Variants in TRIM24 observed in about 807,000 individuals in gnomAD.
TRIM24 encodes the protein tripartite motif containing 24, also known as transcription intermediary factor 1-alpha.
TRIM24 carries 29 observed loss-of-function variants against 123.9 expected under a neutral mutation model. The observed-to-expected ratio is 0.23, with a 90% CI of 0.17 to 0.32. TRIM24 has a LOEUF of 0.32. TRIM24 is among the 10% of genes least tolerant of loss of function. The pLI is 1.00. For synonymous variants in TRIM24, 456 were observed against 461.1 expected, an observed-to-expected ratio of 0.99 and a Z score of 0.14; for missense variants, 932 against 1,295.3, an observed-to-expected ratio of 0.72 and a Z score of 4.31.
chr7:138,498,839 G>A (rs1418936143), intron 1 of TRIM24, among the ~76,000 whole-genome samples: 1 of 151,972 alleles, frequency 6.6e-6, no homozygotes, highest in East Asian at 1.9e-4. Flanking sequence ...TCACCATGTT[G>A]ACCAGGCTGG....
chr7:138,588,982 T>C lies in TRIM24; in HGVS notation c.*4031T>C, dbSNP rs1385169563. The C allele has an allele frequency of 1.3e-5, 2 of 149,580 alleles. No homozygotes were observed. The highest frequency in any genetic ancestry group is 2.5e-5 in the African/African-American group (1 of 40,382). The allele number at this position is 149,580 out of a possible 1,614,324, so 9.3% of individuals were successfully genotyped here. A position where few individuals can be genotyped will look rare whatever the true frequency, so the allele number is the denominator to read the frequency against. Reference sequence around the variant, plus strand: ...GAGATTGCACCATTGCACTCCAGCCTGGGCAACAAGAGCAAAACTCTGTCT... The same window carrying C: ...GAGATTGCACCATTGCACTCCAGCCCGGGCAACAAGAGCAAAACTCTGTCT... On this transcript the variant is annotated 3_prime_UTR_variant, in exon 19 of 19. Coordinates refer to ENST00000343526, the MANE Select transcript of TRIM24 (RefSeq NM_015905.3).
At chr7:138,467,563 G>A (rs1337363134) in intron 1 of TRIM24, among the ~76,000 whole-genome samples, 5 of 152,122 alleles carry the variant, frequency 3.3e-5, no homozygotes, top group East Asian at 1.9e-4. Flanking sequence ...GGATGGTCTC[G>A]ATCTCTTGAC....
At chr7:138,523,749 T>TC (rs1796552600) in intron 4 of TRIM24, among the ~76,000 whole-genome samples, 1 of 34,698 alleles carries the variant, frequency 2.9e-5, no homozygotes, top group Admixed American at 5.5e-4. Context: ...AGACTCCGTC[T>TC]CAAAAAAAAA....
chr7:138,501,796 G>A (rs1796045779), intron 1 of TRIM24, among the ~76,000 whole-genome samples: 1 of 151,780 alleles, frequency 6.6e-6, no homozygotes, highest in African/African-American at 2.4e-5. Context: ...GCTGAGGCAG[G>A]AGAATCACTT....
chr7:138,579,308 A>C lies in TRIM24; in HGVS notation c.2361A>C (p.Gly787=). ...VLRSDAPDST[G]DQPGLHQDNS... is the part of the protein sequence containing the mutation. Reference sequence around the variant, plus strand: ...GATCAGATGCCCCTGATAGTACAGGAGATCAACCTGGACTTCACCAGGACA... The same window carrying C: ...GATCAGATGCCCCTGATAGTACAGGCGATCAACCTGGACTTCACCAGGACA... Residue 787 remains glycine (G), a synonymous_variant, in exon 15 of 19, where the codon GGA becomes GGC. Transcript: ENST00000343526. 6.2e-7 allele frequency: 1 copy of C among 1,614,134 alleles called. No individual in the cohort carries two copies. The highest frequency in any genetic ancestry group is 1.1e-5 in the South Asian group (1 of 91,090).
intron 2 of TRIM24, chr7:138,514,331 A>G (rs1796349967): frequency 6.6e-6 from 1 of 152,228 alleles, no homozygotes; most frequent in Non-Finnish European, 1.5e-5. Flanking sequence ...AGCCATTGTG[A>G]CATAAAAATG....
intron 3 of TRIM24, among the ~76,000 whole-genome samples, chr7:138,517,842 T>C (rs1356786744): frequency 6.6e-6 from 1 of 152,226 alleles, no homozygotes; most frequent in East Asian, 1.9e-4. Flanking sequence ...GATAGTAAAG[T>C]ATGTGTCTTC....
chr7:138,514,954 T>C (rs1796365937), intron 2 of TRIM24: 1 of 328,306 alleles, frequency 3.0e-6, no homozygotes, highest in African/African-American at 2.0e-5. Context: ...ACACCTAGCA[T>C]AATGTTTGGG....
intron 2 of TRIM24, among the ~76,000 whole-genome samples, chr7:138,511,531 C>T (rs910320611): frequency 2.0e-5 from 3 of 152,070 alleles, no homozygotes; most frequent in East Asian, 1.9e-4. Context: ...CTCAGGTAAT[C>T]CACCCGCCTC....
intron 7 of TRIM24, among the ~76,000 whole-genome samples, chr7:138,542,667 G>T (rs1797027872): frequency 6.6e-6 from 1 of 152,124 alleles, no homozygotes; most frequent in Non-Finnish European, 1.5e-5. Flanking sequence ...GTAAAATGAG[G>T]TATGCTTGTA....
rs768673090 is a variant in TRIM24, at chr7:138,581,775, A to G, written c.2793+4A>G. On this transcript the variant is annotated splice_donor_region_variant and intron_variant, in intron 17 of 18. Transcript: ENST00000343526. ...TCAAGACCCTGTTCCTCTAACTGTA[A>G]GTATTAATGTCATTTTCTGCATGTT... is the stretch of plus-strand genomic sequence containing the variant. The G allele has an allele frequency of 1.2e-6, 2 of 1,608,846 alleles. No homozygotes were observed.
chr7:138,567,890 AATATG>A (rs1405737328), intron 10 of TRIM24, among the ~76,000 whole-genome samples: 3 of 152,216 alleles, frequency 2.0e-5, no homozygotes, highest in African/African-American at 7.2e-5. Context: ...TAATTTTTAT[AATATG>A]GTATGGATAA....
intron 3 of TRIM24, among the ~76,000 whole-genome samples, chr7:138,516,152 A>T (rs1796389793): frequency 6.6e-6 from 1 of 152,114 alleles, no homozygotes; most frequent in South Asian, 2.1e-4. Context: ...ATACAAAAAA[A>T]TTAGCTGGGC....
intron 7 of TRIM24, among the ~76,000 whole-genome samples, chr7:138,550,584 G>A (rs1280240010): frequency 6.6e-6 from 1 of 152,064 alleles, no homozygotes; most frequent in Non-Finnish European, 1.5e-5. Context: ...GAGATTCAAA[G>A]CTGGTTGTAT....
intron 14 of TRIM24, among the ~76,000 whole-genome samples, chr7:138,578,075 G>C (rs1797801630): frequency 6.6e-6 from 1 of 152,096 alleles, no homozygotes; most frequent in African/African-American, 2.4e-5. Context: ...GTAGCAGGAA[G>C]ACATAGGACT....
chr7:138,488,284 C>CAA (rs537327656), intron 1 of TRIM24, among the ~76,000 whole-genome samples: 6 of 143,888 alleles, frequency 4.2e-5, no homozygotes, highest in African/African-American at 7.6e-5. Flanking sequence ...TTGATCTTTT[C>CAA]AAAAAAAAAA....
At chr7:138,463,771 C>T (rs77261541) in intron 1 of TRIM24, among the ~76,000 whole-genome samples, 8 of 151,754 alleles carry the variant, frequency 5.3e-5, no homozygotes, top group East Asian at 3.8e-4. Context: ...CTGTATTGTA[C>T]GCAAGAGTTC....
At chr7:138,581,209 A>C (rs1797888065) in intron 16 of TRIM24, among the ~76,000 whole-genome samples, 1 of 152,244 alleles carries the variant, frequency 6.6e-6, no homozygotes. Context: ...TCAATATGAA[A>C]GTTGTCATGC....
chr7:138,490,734 C>T (rs951899181), intron 1 of TRIM24: 6 of 485,274 alleles, frequency 1.2e-5, no homozygotes, highest in African/African-American at 1.2e-4. Flanking sequence ...TACTTTTCTA[C>T]TGAAAACATC....
Sources: allele counts gnomAD v4.1 joint callset (sites outside exome capture counted in the v4.1 genomes callset), GRCh38; gene constraint gnomAD v4.1.1; transcripts MANE v1.5; gene names NCBI Gene and HGNC (gene_info 2026-07-23, HGNC 2026-07-21).